MDGA2: variants seen among roughly 807,000 people sequenced by gnomAD.
MDGA2 encodes the protein MAM domain containing glycosylphosphatidylinositol anchor 2.
Under a neutral mutation model 117.8 loss-of-function variants are expected in MDGA2, and 40 were observed. That is an observed-to-expected ratio of 0.34 (90% confidence interval 0.26 to 0.44). MDGA2 has a LOEUF of 0.44. Ranked by LOEUF, MDGA2 falls within the 20% of genes least tolerant of loss-of-function variation. MDGA2 has a pLI of 1.00. For synonymous variants in MDGA2, 452 were observed against 439.0 expected, an observed-to-expected ratio of 1.03 and a Z score of -0.37; for missense variants, 1,123 against 1,250.6, an observed-to-expected ratio of 0.90 and a Z score of 1.54.
intron 15 of MDGA2, among the ~76,000 whole-genome samples, chr14:46,853,704 TA>T (rs1009518462): frequency 2.0e-5 from 3 of 151,850 alleles, no homozygotes; most frequent in Non-Finnish European, 2.9e-5. Flanking sequence ...TATTTTTGTT[TA>T]TTGTGAACTT....
intron 7 of MDGA2, among the ~76,000 whole-genome samples, chr14:47,043,086 T>C (rs2138686292): frequency 6.6e-6 from 1 of 152,192 alleles, no homozygotes; most frequent in South Asian, 2.1e-4. Context: ...TTTAAACTAA[T>C]ATGCTTGACC....
chr14:47,079,973 C>T (rs1326625313), intron 6 of MDGA2, among the ~76,000 whole-genome samples: 2 of 151,978 alleles, frequency 1.3e-5, no homozygotes, highest in Admixed American at 6.6e-5. Flanking sequence ...CCTCGTGATC[C>T]GCCCGCCTCG....
chr14:46,881,678 C>T (rs1218528077), intron 11 of MDGA2, among the ~76,000 whole-genome samples: 1 of 151,922 alleles, frequency 6.6e-6, no homozygotes, highest in African/African-American at 2.4e-5. Flanking sequence ...ATTTAAAAAA[C>T]AGAAAATGAA....
At chr14:47,116,115 TAAC>T (rs1376629936) in intron 5 of MDGA2, among the ~76,000 whole-genome samples, 2 of 152,080 alleles carry the variant, frequency 1.3e-5, no homozygotes, top group African/African-American at 2.4e-5. Context: ...TTTGTACTAT[TAAC>T]AACAAGTTAT....
At chr14:47,588,758 G>C (rs1371099920) in intron 1 of MDGA2, among the ~76,000 whole-genome samples, 1 of 151,774 alleles carries the variant, frequency 6.6e-6, no homozygotes, top group African/African-American at 2.4e-5. Flanking sequence ...ATATATATTA[G>C]GTTTCTATTG....
At chr14:47,339,767 A>G (rs1890565535) in intron 1 of MDGA2, among the ~76,000 whole-genome samples, 1 of 152,154 alleles carries the variant, frequency 6.6e-6, no homozygotes, top group Non-Finnish European at 1.5e-5. Flanking sequence ...TTTCTGAATT[A>G]CAGAGCCTCG....
chr14:46,999,048 G>T (rs1332141890), intron 8 of MDGA2, among the ~76,000 whole-genome samples: 9 of 151,990 alleles, frequency 5.9e-5, no homozygotes. Flanking sequence ...TACAGTAGAT[G>T]AAAAATATTA....
Position 47,317,438 on chromosome 14 carries a change from T to C in MDGA2, c.281-15888A>G, listed in dbSNP as rs1298753401. 3.3e-5 allele frequency among the ~76,000 whole-genome samples: 5 copies of C among 152,142 alleles called. No homozygotes were observed. The East Asian group carries it at 9.6e-4, about 29-fold the overall frequency. Reference sequence around the variant, plus strand: ...TCAAAAATACTTACTTATGTCATGATATTTGTTTTGAATTATTTTGTATCT... The same window carrying C: ...TCAAAAATACTTACTTATGTCATGACATTTGTTTTGAATTATTTTGTATCT... On this transcript the variant is annotated intron_variant, in intron 1 of 16. Coordinates refer to ENST00000399232, the MANE Select transcript of MDGA2 (RefSeq NM_001113498.3).
intron 15 of MDGA2, among the ~76,000 whole-genome samples, chr14:46,850,534 T>G (rs1463944729): frequency 6.6e-6 from 1 of 151,884 alleles, no homozygotes; most frequent in African/African-American, 2.4e-5. Flanking sequence ...AAATTGACAG[T>G]ATATGTCACT....
At chr14:47,269,931 C>T (rs1168628069) in intron 2 of MDGA2, among the ~76,000 whole-genome samples, 1 of 152,134 alleles carries the variant, frequency 6.6e-6, no homozygotes, top group Non-Finnish European at 1.5e-5. Context: ...TTACATCAGC[C>T]AGCATTTCCC....
intron 6 of MDGA2, among the ~76,000 whole-genome samples, chr14:47,076,558 T>C (rs887117561): frequency 1.2e-5 from 1 of 84,082 alleles, no homozygotes; most frequent in African/African-American, 4.9e-5. Flanking sequence ...TGAGTGTGTG[T>C]TATGTGTGTG....
chr14:47,235,268 A>G (rs1189934708), intron 2 of MDGA2, among the ~76,000 whole-genome samples: 2 of 152,192 alleles, frequency 1.3e-5, no homozygotes, highest in African/African-American at 2.4e-5. Context: ...CAATTTATTA[A>G]TTTATAATAC....
intron 1 of MDGA2, among the ~76,000 whole-genome samples, chr14:47,461,501 G>C (rs781647573): frequency 6.6e-6 from 1 of 151,928 alleles, no homozygotes; most frequent in Non-Finnish European, 1.5e-5. Context: ...GTGAAAAAAT[G>C]GAAGCAATTT....
At position 46,841,901 on chromosome 14, in the gene MDGA2, G is replaced by GA. The variant is rs1347983627; in HGVS notation, c.*29dup. 5 of 1,453,666 alleles carry GA rather than the reference G, an allele frequency of 3.4e-6. No individual in the cohort carries two copies. The African/African-American group carries it at 7.1e-5, about 21-fold the overall frequency. 90.0% of individuals were successfully genotyped at this position (1,453,666 alleles called of 1,614,324 possible). On this transcript the variant is annotated 3_prime_UTR_variant, in exon 17 of 17. Coordinates refer to ENST00000399232, the MANE Select transcript of MDGA2 (RefSeq NM_001113498.3). ...CTCTTTCTTCATGCCAGTGCCTGGTGAATCTTTTATAGCCTCTGCCAGGAT... is the reference window on the plus strand; with the variant it reads ...CTCTTTCTTCATGCCAGTGCCTGGTGAAATCTTTTATAGCCTCTGCCAGGAT...
At chr14:46,863,707 T>C (rs1012214437) in intron 14 of MDGA2, among the ~76,000 whole-genome samples, 15 of 152,254 alleles carry the variant, frequency 9.9e-5, no homozygotes, top group African/African-American at 3.4e-4. Flanking sequence ...GTTCATATCA[T>C]TAATTTTGCT....
intron 8 of MDGA2, among the ~76,000 whole-genome samples, chr14:46,988,939 C>T (rs548901500): frequency 1.1e-3 from 160 of 152,134 alleles, no homozygotes; most frequent in Non-Finnish European, 1.7e-3. Flanking sequence ...AGTACAGTTT[C>T]TGGACTGCTA....
intron 5 of MDGA2, among the ~76,000 whole-genome samples, chr14:47,102,916 G>T (rs1236404159): frequency 2.0e-5 from 3 of 152,192 alleles, no homozygotes; most frequent in Non-Finnish European, 4.4e-5. Flanking sequence ...CACTGTGTCT[G>T]CTATGACTTT....
At chr14:47,345,271 G>A (rs1013891668) in intron 1 of MDGA2, among the ~76,000 whole-genome samples, 12 of 152,034 alleles carry the variant, frequency 7.9e-5, no homozygotes, top group Admixed American at 1.3e-4. Context: ...TGCCCCAACC[G>A]GAAACAAAGA....
rs1338512301 is a variant in MDGA2, at chr14:47,012,176, T to C, written c.1819+22835A>G. ...CAAAGATTGGTATAAAGGATAGAGATTCACTCATATGTCTCCTGAAAAATC... is the reference window on the plus strand; with the variant it reads ...CAAAGATTGGTATAAAGGATAGAGACTCACTCATATGTCTCCTGAAAAATC... On this transcript the variant is annotated intron_variant, in intron 8 of 16. Transcript: ENST00000399232. Among the ~76,000 whole-genome samples, 4 of 152,244 alleles carry C rather than the reference T, an allele frequency of 2.6e-5. No homozygotes were observed. In the East Asian group the frequency reaches 7.7e-4, roughly 29 times the overall value.
Sources: allele counts gnomAD v4.1 joint callset (sites outside exome capture counted in the v4.1 genomes callset), GRCh38; gene constraint gnomAD v4.1.1; transcripts MANE v1.5; gene names NCBI Gene and HGNC (gene_info 2026-07-23, HGNC 2026-07-21).